MELTF: variants seen among roughly 807,000 people sequenced by gnomAD.
MELTF encodes the protein melanotransferrin, also known as antigen p97 (melanoma associated) identified by monoclonal antibodies 133.2 and 96.5.
A neutral mutation model predicts 83.7 loss-of-function variants in MELTF; 67 were observed. The observed-to-expected ratio is 0.80, with a 90% CI of 0.66 to 0.98. The LOEUF is 0.98. Ranked by LOEUF, MELTF falls within the 50% of genes least tolerant of loss-of-function variation. The pLI is 0.00. For synonymous variants in MELTF, 462 were observed against 447.6 expected, an observed-to-expected ratio of 1.03 and a Z score of -0.41; for missense variants, 1,002 against 1,035.6, an observed-to-expected ratio of 0.97 and a Z score of 0.44.
rs1305190082 is a variant in MELTF at position 197,007,919 on chromosome 3, G to C, written c.1750+738C>G. Reference sequence around the variant, plus strand: ...GTTGGGAGCGAGTGGAGAAGACTGGGCCTCCAGCATTTGGGGTTTCAAAGC... The same window carrying C: ...GTTGGGAGCGAGTGGAGAAGACTGGCCCTCCAGCATTTGGGGTTTCAAAGC... On this transcript the variant is annotated intron_variant, in intron 13 of 15. Transcript: ENST00000296350. This position sits in a 1 kb window ranked among gnomAD's most constrained non-coding sequence, Gnocchi z 4.3. Among the ~76,000 whole-genome samples the C allele has an allele frequency of 6.6e-6, 1 of 152,180 alleles. No homozygotes were observed. The highest frequency in any genetic ancestry group is 1.5e-5 in the Non-Finnish European group (1 of 68,032).
At chr3:197,027,330 T>A (rs535631478) in intron 2 of MELTF, among the ~76,000 whole-genome samples, 7 of 152,354 alleles carry the variant, frequency 4.6e-5, no homozygotes, top group African/African-American at 1.7e-4. Context: ...TTAGCAGTTC[T>A]CAGCAGACCT....
At chr3:197,014,104 C>T (rs1188499899) in intron 9 of MELTF, among the ~76,000 whole-genome samples, 2 of 152,306 alleles carry the variant, frequency 1.3e-5, no homozygotes, top group African/African-American at 4.8e-5. Context: ...GTGGAATCAA[C>T]CCAGGTGTCC....
Position 197,008,202 on chromosome 3 carries a change from G to A in MELTF, c.1750+455C>T, listed in dbSNP as rs142401196. 1.1e-4 allele frequency among the ~76,000 whole-genome samples: 17 copies of A among 152,174 alleles called. No individual in the cohort carries two copies. The highest frequency in any genetic ancestry group is 1.6e-4 in the Non-Finnish European group (11 of 68,028). Reference sequence around the variant, plus strand: ...AAACCCCCTGTGTGGTATGTTGGGCGTGCCCTGCCTCGGTGTGGCTTGGGG... The same window carrying A: ...AAACCCCCTGTGTGGTATGTTGGGCATGCCCTGCCTCGGTGTGGCTTGGGG... On this transcript the variant is annotated intron_variant, in intron 13 of 15. Coordinates refer to ENST00000296350, the MANE Select transcript of MELTF (RefSeq NM_005929.6). This position sits in a 1 kb window ranked among gnomAD's most constrained non-coding sequence, Gnocchi z 5.4.
chr3:197,019,304 G>A (rs1411624974), intron 6 of MELTF: 10 of 1,065,388 alleles, frequency 9.4e-6, no homozygotes, highest in South Asian at 4.1e-5. Flanking sequence ...AGCCACTCCC[G>A]CTTCTCCTCA....
rs151109969 is a variant in MELTF at position 197,010,779 on chromosome 3, C to A, written c.1249G>T (p.Ala417Ser). The change falls in exon 10 of 16, where the codon GCT (alanine) becomes TCT (serine). Residue 417 changes from alanine to serine, a missense_variant. Coordinates refer to ENST00000296350, the MANE Select transcript of MELTF (RefSeq NM_005929.6). ...ATGTCCTCGCCACTCAGGGTCACAG[C>A]GTCGACCTGCTCAGCCTGAAGGGAA... ...MERIQAEQVD[A>S]VTLSGEDIYT... is the part of the protein sequence containing the mutation. 39 of 1,613,410 alleles carry A rather than the reference C, an allele frequency of 2.4e-5. No individual in the cohort carries two copies. Among genetic ancestry groups the A allele is most frequent in the Non-Finnish European group, 3.2e-5 (38 of 1,180,028 alleles).
chr3:197,026,632 CCT>C, intron 3 of MELTF, 26 bp downstream of exon 3: 2 of 1,599,414 alleles, frequency 1.3e-6, no homozygotes, highest in Non-Finnish European at 1.7e-6. Context: ...CGCAGGCTGT[CCT>C]CTCTCCTCCC....
At chr3:197,028,140 G>A (rs751238591) in intron 1 of MELTF, 15 of 539,532 alleles carry the variant, frequency 2.8e-5, no homozygotes, top group Non-Finnish European at 4.0e-5. Context: ...AAATGGAATG[G>A]CTCAGAACCC....
rs1214360574 is a variant in MELTF at position 197,024,120 on chromosome 3, AGCGGCGGCGCCG to A, written c.487+171_487+182del. Among the ~76,000 whole-genome samples the A allele has an allele frequency of 7.3e-6, 1 of 137,670 alleles. No homozygotes were observed. The highest frequency in any genetic ancestry group is 7.4e-5 in the Admixed American group (1 of 13,572). 90.3% of individuals were successfully genotyped at this position (137,670 alleles called of 152,430 possible). A position where few individuals can be genotyped will look rare whatever the true frequency, so the allele number is the denominator to read the frequency against. On this transcript the variant is annotated intron_variant, in intron 4 of 15. Transcript: ENST00000296350. The surrounding 1 kb of genome is among the most constrained non-coding windows in gnomAD (Gnocchi z 5.3). ...CAGGGTCCAAGCAAGCAGGAAGTCAAGCGGCGGCGCCGGCGGCAGAGTGGAGGCGGGGGAGGC... is the reference window on the plus strand; with the variant it reads ...CAGGGTCCAAGCAAGCAGGAAGTCAAGCGGCAGAGTGGAGGCGGGGGAGGC...
At chr3:197,021,184 T>C (rs2148588901) in intron 6 of MELTF, 1 of 553,770 alleles carries the variant, frequency 1.8e-6, no homozygotes, top group Non-Finnish European at 3.2e-6. Context: ...TCTCCTGCCC[T>C]GTGGGCAGTG....
At position 197,003,894 on chromosome 3, in the gene MELTF, G is replaced by A. The variant is rs1286665862; in HGVS notation, c.2137+7C>T. ...CCAGGGGAGGCGGCAGGGCGGGCCT[G>A]TCCTACCTGCGCCCGAGCACTGCTG... On this transcript the variant is annotated splice_region_variant and intron_variant, in intron 15 of 15. Transcript: ENST00000296350. This position sits in a 1 kb window ranked among gnomAD's most constrained non-coding sequence, Gnocchi z 6.2. The A allele has an allele frequency of 6.2e-7, 1 of 1,612,778 alleles. No individual in the cohort carries two copies.
intron 6 of MELTF, among the ~76,000 whole-genome samples, chr3:197,017,882 A>G (rs1219627207): frequency 6.6e-6 from 1 of 152,154 alleles, no homozygotes; most frequent in Admixed American, 6.5e-5. Flanking sequence ...GTCTCAAAAA[A>G]AAAGAAAGGC....
rs145095949 is a variant in MELTF at position 197,006,672 on chromosome 3, G to A, written c.1815C>T (p.Asn605=). ...ACTGGGACACCTCGGCTCGGGCCCCGTTGGGGCACAGCAGTTCATAGTCCT... is the reference window on the plus strand; with the variant it reads ...ACTGGGACACCTCGGCTCGGGCCCCATTGGGGCACAGCAGTTCATAGTCCT... ...RSEDYELLCP[N]GARAEVSQFA... The change falls in exon 14 of 16, where the codon AAC becomes AAT. Residue 605 remains asparagine (N), a synonymous_variant. Transcript: ENST00000296350. This position sits in a 1 kb window ranked among gnomAD's most constrained non-coding sequence, Gnocchi z 5.4. 2.9e-4 allele frequency: 456 copies of A among 1,592,694 alleles called. No individual in the cohort carries two copies. Among genetic ancestry groups the A allele is most frequent in the Non-Finnish European group, 3.4e-4 (396 of 1,169,990 alleles).
intron 3 of MELTF, 175 bp downstream of exon 3, chr3:197,026,485 G>A (rs187929409): frequency 2.3e-5 from 14 of 611,918 alleles, no homozygotes; most frequent in Admixed American, 1.8e-4. Flanking sequence ...CTGTGTCCCT[G>A]GAGCTCCTGT....
chr3:197,019,231 G>C, intron 6 of MELTF: 1 of 1,009,500 alleles, frequency 9.9e-7, no homozygotes, highest in Non-Finnish European at 1.2e-6. Flanking sequence ...AAAACCTTTG[G>C]TTAGAGCTCT....
rs1404180972 is a variant in MELTF, at chr3:197,006,695, C to T, written c.1792G>A (p.Asp598Asn). The T allele has an allele frequency of 2.5e-6, 4 of 1,575,630 alleles. No individual in the cohort carries two copies. The highest frequency in any genetic ancestry group is 2.6e-6 in the Non-Finnish European group (3 of 1,162,224). The change falls in exon 14 of 16, where the codon GAC becomes AAC. Residue 598 changes from aspartate (D) to asparagine (N), a missense_variant. Asp to Asn is a conservative substitution (Grantham distance 23). Transcript: ENST00000296350. The surrounding 1 kb of genome is among the most constrained non-coding windows in gnomAD (Gnocchi z 5.4). ...EPWAAELRSEDYELLCPNGAR... is the reference protein window; with the variant it reads ...EPWAAELRSENYELLCPNGAR... ...CCGTTGGGGCACAGCAGTTCATAGT[C>T]CTCTGACCTGAGCTCAGCAGCCCAG... is the stretch of plus-strand genomic sequence containing the variant.
chr3:197,020,692 CAG>C (rs1303838430), intron 6 of MELTF, among the ~76,000 whole-genome samples: 2 of 151,710 alleles, frequency 1.3e-5, no homozygotes, highest in East Asian at 1.9e-4. Flanking sequence ...GTTTTTTAGA[CAG>C]AGTCTCGCTC....
chr3:197,029,576 C>A lies in MELTF; in HGVS notation c.49+78G>T. On this transcript the variant is annotated intron_variant, in intron 1 of 15. Coordinates refer to ENST00000296350, the MANE Select transcript of MELTF (RefSeq NM_005929.6). This position sits in a 1 kb window ranked among gnomAD's most constrained non-coding sequence, Gnocchi z 6.5. ...GGAGCCGCAGGCTCAGGCACATTTC[C>A]AGCCCCGGGACCTGCTCAGCCGGGC... 1.7e-6 allele frequency: 2 copies of A among 1,164,944 alleles called. No individual in the cohort carries two copies. The highest frequency in any genetic ancestry group is 2.2e-6 in the Non-Finnish European group (2 of 925,840). The allele number at this position is 1,164,944 out of a possible 1,614,324, so 72.2% of individuals were successfully genotyped here.
Position 197,027,893 on chromosome 3 carries a change from C to A in MELTF, c.67G>T (p.Val23Leu), listed in dbSNP as rs778792127. The A allele has an allele frequency of 9.4e-6, 15 of 1,598,240 alleles. No homozygotes were observed. Among genetic ancestry groups the A allele is most frequent in the Non-Finnish European group, 1.3e-5 (15 of 1,174,104 alleles). Residue 23 changes from valine (V) to leucine (L), a missense_variant, in exon 2 of 16, where the codon GTG (valine) becomes TTG (leucine). By Grantham distance (32) the Val-to-Leu change is conservative. Coordinates refer to ENST00000296350, the MANE Select transcript of MELTF (RefSeq NM_005929.6). ...ALRTVLGGMEVRWCATSDPEQ... is the reference protein window; with the variant it reads ...ALRTVLGGMELRWCATSDPEQ... ...GGGTCCGAGGTGGCGCACCACCGCACCTCCATGCCACCGAGCACTGCGGGC... is the reference window on the plus strand; with the variant it reads ...GGGTCCGAGGTGGCGCACCACCGCAACTCCATGCCACCGAGCACTGCGGGC...
Position 197,003,186 on chromosome 3 carries a change from G to A in MELTF, c.*186C>T. 1.8e-6 allele frequency: 1 copy of A among 571,402 alleles called. No homozygotes were observed. 35.4% of individuals were successfully genotyped at this position (571,402 alleles called of 1,614,324 possible). A position where few individuals can be genotyped will look rare whatever the true frequency, so the allele number is the denominator to read the frequency against. On this transcript the variant is annotated 3_prime_UTR_variant, in exon 16 of 16. Coordinates refer to ENST00000296350, the MANE Select transcript of MELTF (RefSeq NM_005929.6). The surrounding 1 kb of genome is among the most constrained non-coding windows in gnomAD (Gnocchi z 6.2). ...GGCGGTTGGCGGGAAGGGCCGCGCG[G>A]GCCCGGGGGCGGCGCCTCAGGTAGC...
Sources: allele counts gnomAD v4.1 joint callset (sites outside exome capture counted in the v4.1 genomes callset), GRCh38; gene constraint gnomAD v4.1.1; non-coding constraint Gnocchi (gnomAD v3.1); transcripts MANE v1.5; gene names NCBI Gene and HGNC (gene_info 2026-07-23, HGNC 2026-07-21).